The following ACVR1C variants were observed in gnomAD, a reference collection of about 807,000 sequenced individuals.
ACVR1C encodes activin A receptor type 1C.
In ACVR1C, 23 loss-of-function variants were observed where a neutral mutation model predicts 57.9. The observed-to-expected ratio is 0.40, with a 90% CI of 0.29 to 0.56. The LOEUF is 0.56. Ranked by LOEUF, ACVR1C falls within the 20% of genes least tolerant of loss-of-function variation. The pLI is 0.50. For missense variants in ACVR1C, 480 were observed against 607.9 expected, an observed-to-expected ratio of 0.79 and a Z score of 2.21; for synonymous variants, 214 against 215.3, an observed-to-expected ratio of 0.99 and a Z score of 0.05.
At chr2:157,574,242 A>G (rs1688591909) in intron 2 of ACVR1C, among the ~76,000 whole-genome samples, 1 of 152,210 alleles carries the variant, frequency 6.6e-6, no homozygotes, top group Non-Finnish European at 1.5e-5. Context: ...TCTAAGATCA[A>G]CATGCCAGCA....
In ACVR1C at chr2:157,628,676, G is replaced by GC; in HGVS notation, c.-33dup. 1 of 1,527,708 alleles carries GC rather than the reference G, an allele frequency of 6.5e-7. No individual in the cohort carries two copies. Among genetic ancestry groups the GC allele is most frequent in the Non-Finnish European group, 8.8e-7 (1 of 1,140,312 alleles). 94.6% of individuals were successfully genotyped at this position (1,527,708 alleles called of 1,614,324 possible). On this transcript the variant is annotated 5_prime_UTR_variant, in exon 1 of 9. Coordinates refer to ENST00000243349, the MANE Select transcript of ACVR1C (RefSeq NM_145259.3). ...CAGGCGGCCGCGCCGGGGCTGCGAG[G>GC]CCCCAGAGCAGAGCGAGGCAGCCGG... is the stretch of plus-strand genomic sequence containing the variant.
At position 157,554,201 on chromosome 2, in the gene ACVR1C, G is replaced by GAGAGAGAAAGAAAGAAAGAA. The variant is rs1553481316; in HGVS notation, c.544+1891_544+1892insTTCTTTCTTTCTTTCTCTCT. Among the ~76,000 whole-genome samples the GAGAGAGAAAGAAAGAAAGAA allele has an allele frequency of 3.4e-4, 14 of 41,442 alleles. 2 individuals carry two copies. Among genetic ancestry groups the GAGAGAGAAAGAAAGAAAGAA allele is most frequent in the African/African-American group, 1.6e-3 (11 of 7,024 alleles). 27.2% of individuals were successfully genotyped at this position (41,442 alleles called of 152,430 possible). A position where few individuals can be genotyped will look rare whatever the true frequency, so the allele number is the denominator to read the frequency against. Reference sequence around the variant, plus strand: ...CTGGAAAAAAAAAAAATAAAGAAGAGAGAAAGAAAGAAAGAAAGAAAGAAA... The same window carrying GAGAGAGAAAGAAAGAAAGAA: ...CTGGAAAAAAAAAAAATAAAGAAGAGAGAGAGAAAGAAAGAAAGAAAGAAAGAAAGAAAGAAAGAAAGAAA... On this transcript the variant is annotated intron_variant, in intron 3 of 8. Coordinates refer to ENST00000243349, the MANE Select transcript of ACVR1C (RefSeq NM_145259.3).
rs1682963049 is a variant in ACVR1C at position 157,628,710 on chromosome 2, G to C, written c.-66C>G. On this transcript the variant is annotated 5_prime_UTR_variant, in exon 1 of 9. Transcript: ENST00000243349. ...CAGAGCGAGGCAGCCGGGGCAGCAC[G>C]GCCCGCTTTGAAGTTCCCGGGCCGC... 7.2e-6 allele frequency: 10 copies of C among 1,379,526 alleles called. No homozygotes were observed. The highest frequency in any genetic ancestry group is 3.1e-5 in the African/African-American group (2 of 65,340). 85.5% of individuals were successfully genotyped at this position (1,379,526 alleles called of 1,614,324 possible).
intron 1 of ACVR1C, among the ~76,000 whole-genome samples, chr2:157,615,597 A>C (rs1445947106): frequency 6.6e-6 from 1 of 152,080 alleles, no homozygotes; most frequent in Non-Finnish European, 1.5e-5. Context: ...GCTGGTCTCA[A>C]ACTCCTAGGC....
At chr2:157,618,155 A>T (rs1351749209) in intron 1 of ACVR1C, among the ~76,000 whole-genome samples, 1 of 151,902 alleles carries the variant, frequency 6.6e-6, no homozygotes, top group African/African-American at 2.4e-5. Flanking sequence ...AATAATAACT[A>T]TAAGTTTCAA....
At chr2:157,559,170 T>A (rs1688177268) in intron 2 of ACVR1C, among the ~76,000 whole-genome samples, 1 of 152,164 alleles carries the variant, frequency 6.6e-6, no homozygotes, top group Non-Finnish European at 1.5e-5. Flanking sequence ...ATAATCTCCA[T>A]AAAAGTGCAC....
chr2:157,540,736 A>G (rs1333602928), intron 7 of ACVR1C, among the ~76,000 whole-genome samples: 1 of 152,166 alleles, frequency 6.6e-6, no homozygotes, highest in Non-Finnish European at 1.5e-5. Flanking sequence ...AAGAAACTGA[A>G]CCCTTCAAGT....
At chr2:157,573,329 T>C (rs891285483) in intron 2 of ACVR1C, among the ~76,000 whole-genome samples, 1 of 152,314 alleles carries the variant, frequency 6.6e-6, no homozygotes, top group East Asian at 1.9e-4. Flanking sequence ...AGGCAGAAAT[T>C]GTATTGAAGT....
At chr2:157,549,713 C>T (rs530341547) in intron 4 of ACVR1C, among the ~76,000 whole-genome samples, 33 of 151,052 alleles carry the variant, frequency 2.2e-4, no homozygotes, top group Non-Finnish European at 4.3e-4. Flanking sequence ...GGGCTGGGTG[C>T]GGTGGCTCAC....
At chr2:157,604,028 T>C (rs114627864) in intron 1 of ACVR1C, among the ~76,000 whole-genome samples, 5 of 152,210 alleles carry the variant, frequency 3.3e-5, no homozygotes, top group Admixed American at 1.3e-4. Flanking sequence ...CTTTGGGACA[T>C]TATGTTAGGA....
chr2:157,594,405 T>C (rs1271348476), intron 1 of ACVR1C, among the ~76,000 whole-genome samples: 1 of 136,172 alleles, frequency 7.3e-6, no homozygotes, highest in African/African-American at 2.6e-5. Context: ...TTACCTATGA[T>C]AGATGAAAAG....
At chr2:157,586,750 G>GA (rs1021883004) in intron 2 of ACVR1C, among the ~76,000 whole-genome samples, 9 of 151,996 alleles carry the variant, frequency 5.9e-5, no homozygotes, top group African/African-American at 2.2e-4. Flanking sequence ...GGATATCCCT[G>GA]AAAAAAAGAT....
chr2:157,541,617 G>A (rs147790449), intron 6 of ACVR1C, among the ~76,000 whole-genome samples: 17 of 152,298 alleles, frequency 1.1e-4, no homozygotes, highest in Middle Eastern at 6.8e-3. Flanking sequence ...AGCATCCAAG[G>A]CTTCCCTGAA....
intron 2 of ACVR1C, among the ~76,000 whole-genome samples, chr2:157,559,837 G>T (rs148679003): frequency 6.6e-6 from 1 of 152,000 alleles, no homozygotes; most frequent in Non-Finnish European, 1.5e-5. Flanking sequence ...AAATGCAAGG[G>T]AAGGAATTAT....
At position 157,628,856 on chromosome 2, in the gene ACVR1C, C is replaced by A; in HGVS notation, c.-212G>T. The stretch of plus-strand genomic sequence containing the variant: ...CCTGCGGCTGGCGGTGCGCGGCGCT[C>A]CTGCCACTGGCCCCGCAGCCGGGCG... On this transcript the variant is annotated 5_prime_UTR_variant, in exon 1 of 9. Transcript: ENST00000243349. 2 of 336,598 alleles carry A rather than the reference C, an allele frequency of 5.9e-6. No individual in the cohort carries two copies. Among genetic ancestry groups the A allele is most frequent in the Non-Finnish European group, 1.1e-5 (2 of 188,456 alleles). The allele number at this position is 336,598 out of a possible 1,614,324, so 20.9% of individuals were successfully genotyped here.
chr2:157,575,865 A>G (rs1014014893), intron 2 of ACVR1C, among the ~76,000 whole-genome samples: 4 of 152,166 alleles, frequency 2.6e-5, no homozygotes, highest in African/African-American at 9.7e-5. Context: ...ACACTATACA[A>G]ATTGACAAGG....
chr2:157,543,904 G>T (rs906595156), intron 5 of ACVR1C, among the ~76,000 whole-genome samples: 2 of 151,928 alleles, frequency 1.3e-5, no homozygotes, highest in Admixed American at 1.3e-4. Flanking sequence ...AAATGGCAAA[G>T]ATAGAACCAC....
intron 1 of ACVR1C, among the ~76,000 whole-genome samples, chr2:157,613,921 T>C (rs1682588865): frequency 6.6e-6 from 1 of 152,202 alleles, no homozygotes; most frequent in African/African-American, 2.4e-5. Context: ...TGGAAGTTTA[T>C]GTAGAATAGA....
intron 3 of ACVR1C, among the ~76,000 whole-genome samples, chr2:157,554,201 G>GAAAGAAAGAA (rs1388320584): frequency 1.2e-4 from 5 of 41,440 alleles, no homozygotes; most frequent in Admixed American, 3.5e-4. Context: ...ATAAAGAAGA[G>GAAAGAAAGAA]AGAAAGAAAG....
Sources: allele counts gnomAD v4.1 joint callset (sites outside exome capture counted in the v4.1 genomes callset), GRCh38; gene constraint gnomAD v4.1.1; transcripts MANE v1.5; gene names NCBI Gene and HGNC (gene_info 2026-07-23, HGNC 2026-07-21).